Variants in CDH8 observed in about 807,000 individuals in gnomAD.
CDH8 encodes cadherin-8.
CDH8 carries 17 observed loss-of-function variants against 68.1 expected under a neutral mutation model. The observed-to-expected ratio is 0.25, with a 90% CI of 0.17 to 0.37. CDH8 has a LOEUF of 0.37. Among genes scored for constraint, CDH8 ranks in the 10% least tolerant of loss-of-function variants. CDH8 has a pLI of 1.00. For synonymous variants in CDH8, 372 were observed against 365.1 expected, an observed-to-expected ratio of 1.02 and a Z score of -0.21; for missense variants, 763 against 999.3, an observed-to-expected ratio of 0.76 and a Z score of 3.19.
chr16:61,761,259 G>T (rs745717434), intron 8 of CDH8, among the ~76,000 whole-genome samples: 5 of 152,114 alleles, frequency 3.3e-5, no homozygotes, highest in Non-Finnish European at 7.4e-5. Flanking sequence ...AATGTTGCAT[G>T]GGTATTATAA....
intron 5 of CDH8, among the ~76,000 whole-genome samples, chr16:61,822,205 C>CTTTTTTTTTTTTTTT (rs71707137): frequency 2.2e-5 from 1 of 45,648 alleles, no homozygotes; most frequent in East Asian, 8.1e-4. Context: ...AAAAACGCAC[C>CTTTTTTTTTTTTTTT]TTTTTTTTTT....
At chr16:61,964,666 G>A (rs1210058648) in intron 2 of CDH8, among the ~76,000 whole-genome samples, 2 of 151,816 alleles carry the variant, frequency 1.3e-5, no homozygotes, top group African/African-American at 4.8e-5. Flanking sequence ...GCTTTCTCTG[G>A]GCCTCGGTCT....
chr16:62,007,067 C>A (rs1447658717), intron 2 of CDH8, among the ~76,000 whole-genome samples: 1 of 151,982 alleles, frequency 6.6e-6, no homozygotes, highest in Non-Finnish European at 1.5e-5. Context: ...GCCACCATGC[C>A]CGGGTAACTT....
chr16:61,797,245 A>T (rs1356287965), intron 7 of CDH8, among the ~76,000 whole-genome samples: 1 of 152,114 alleles, frequency 6.6e-6, no homozygotes, highest in East Asian at 1.9e-4. Flanking sequence ...AATAAAGAAC[A>T]TCAATCTGTG....
chr16:62,031,688 A>ACACACACG (rs1005540470), intron 1 of CDH8, among the ~76,000 whole-genome samples: 1 of 151,866 alleles, frequency 6.6e-6, no homozygotes, highest in African/African-American at 2.4e-5. Flanking sequence ...ACACACACAC[A>ACACACACG]CACACACACA....
At chr16:61,713,300 C>T (rs573665103) in intron 10 of CDH8, among the ~76,000 whole-genome samples, 1 of 151,742 alleles carries the variant, frequency 6.6e-6, no homozygotes, top group Admixed American at 6.6e-5. Flanking sequence ...AAAGACTTAA[C>T]AATAAATCAG....
chr16:61,727,929 A>G (rs1305468358), intron 8 of CDH8, among the ~76,000 whole-genome samples: 2 of 151,120 alleles, frequency 1.3e-5, no homozygotes, highest in Non-Finnish European at 3.0e-5. Flanking sequence ...TTTTTAAGTT[A>G]TGTATGCACA....
intron 4 of CDH8, among the ~76,000 whole-genome samples, chr16:61,828,836 GATA>G (rs1051478691): frequency 1.3e-5 from 2 of 151,818 alleles, no homozygotes; most frequent in African/African-American, 4.8e-5. Context: ...CTCAATCAGA[GATA>G]ATAACCAGCT....
chr16:61,665,850 T>G (rs1185833462), intron 10 of CDH8, among the ~76,000 whole-genome samples: 2 of 138,048 alleles, frequency 1.4e-5, no homozygotes, highest in East Asian at 5.2e-4. Flanking sequence ...CCCTCCCTCC[T>G]TCCTTCCTTC....
At position 61,842,197 on chromosome 16, in the gene CDH8, G is replaced by A. The variant is rs546052155; in HGVS notation, c.667+14922C>T. ...GCTGGCATTACGGGCATGAGCCACC[G>A]CACCCAGCCAGAAATTTGTATGGTT... On this transcript the variant is annotated intron_variant, in intron 4 of 11. Transcript: ENST00000577390. Among the ~76,000 whole-genome samples the A allele has an allele frequency of 4.0e-5, 6 of 151,860 alleles. No homozygotes were observed. In the South Asian group the frequency reaches 1.0e-3, roughly 26 times the overall value.
At chr16:61,821,178 A>G (rs760345520) in intron 5 of CDH8, 65 bp from the exon 6 acceptor site, 1 of 1,342,732 alleles carries the variant, frequency 7.4e-7, no homozygotes, top group Non-Finnish European at 1.0e-6. Context: ...TCATATGGCA[A>G]ATATCTTTTG....
At position 61,713,977 on chromosome 16, in the gene CDH8, C is replaced by T. The variant is rs34908496; in HGVS notation, c.1537-19G>A. 7.0e-6 allele frequency: 10 copies of T among 1,420,286 alleles called. No homozygotes were observed. Among genetic ancestry groups the T allele is most frequent in the East Asian group, 2.3e-5 (1 of 43,770 alleles). 88.0% of individuals were successfully genotyped at this position (1,420,286 alleles called of 1,614,324 possible). ...GAATGACCTGAAACATAAAACTTGA[C>T]GTCAGCATTTCTGATGATTTCAGAG... is the stretch of plus-strand genomic sequence containing the variant. On this transcript the variant is annotated intron_variant, in intron 9 of 11. Transcript: ENST00000577390.
intron 4 of CDH8, among the ~76,000 whole-genome samples, chr16:61,842,859 G>A (rs1267588698): frequency 1.3e-5 from 2 of 152,174 alleles, no homozygotes; most frequent in African/African-American, 4.8e-5. Context: ...ATTTGCACAT[G>A]TGAAAATTCA....
chr16:61,925,551 T>A (rs1964443370), intron 2 of CDH8, among the ~76,000 whole-genome samples: 1 of 152,182 alleles, frequency 6.6e-6, no homozygotes, highest in Admixed American at 6.5e-5. Flanking sequence ...AGTGTGCTAT[T>A]ACAATTTGTT....
chr16:61,759,071 C>T (rs1960395186), intron 8 of CDH8, among the ~76,000 whole-genome samples: 1 of 152,156 alleles, frequency 6.6e-6, no homozygotes, highest in Non-Finnish European at 1.5e-5. Flanking sequence ...ATCGTAACAG[C>T]ATTGACCACA....
intron 8 of CDH8, among the ~76,000 whole-genome samples, chr16:61,737,214 T>C (rs1451946317): frequency 6.6e-6 from 1 of 152,148 alleles, no homozygotes; most frequent in Non-Finnish European, 1.5e-5. Context: ...CAGGCATCGA[T>C]TGAAATAAAC....
intron 3 of CDH8, among the ~76,000 whole-genome samples, chr16:61,885,711 C>CAA (rs5817322): frequency 8.6e-6 from 1 of 116,462 alleles, no homozygotes. Context: ...AATAGCAATC[C>CAA]AAAAAAAAAA....
chr16:62,029,999 A>G (rs772249818), intron 1 of CDH8, among the ~76,000 whole-genome samples: 49 of 152,330 alleles, frequency 3.2e-4, no homozygotes, highest in Non-Finnish European at 5.6e-4. Context: ...AATGCAGCCA[A>G]CGATCCTAGT....
intron 2 of CDH8, among the ~76,000 whole-genome samples, chr16:61,990,550 T>C (rs1597111916): frequency 1.3e-5 from 2 of 152,100 alleles, no homozygotes; most frequent in South Asian, 4.1e-4. Context: ...CAGTGGCTCG[T>C]ACCTGTAATC....
Sources: gnomAD v4.1 joint callset for allele counts (sites outside exome capture counted in the v4.1 genomes callset) on GRCh38, gnomAD v4.1.1 for gene constraint, MANE v1.5 for transcripts, NCBI Gene and HGNC (gene_info 2026-07-23, HGNC 2026-07-21) for gene names.